The following CEP152 variants were observed in gnomAD, a reference collection of about 807,000 sequenced individuals.
CEP152 encodes centrosomal protein of 152 kDa.
A neutral mutation model predicts 188.9 loss-of-function variants in CEP152; 132 were observed. The observed-to-expected ratio is 0.70, with a 90% CI of 0.61 to 0.81. The LOEUF is 0.81. Ranked by LOEUF, CEP152 falls within the 30% of genes least tolerant of loss-of-function variation. The pLI is 0.00. For missense variants in CEP152, 1,914 were observed against 1,969.8 expected (o/e 0.97, Z 0.54); for synonymous variants, 649 against 666.6 (o/e 0.97, Z 0.41).
At chr15:48,805,455 T>C (rs924037193) in intron 2 of CEP152, 108 bp downstream of exon 2, 24 of 1,409,090 alleles carry the variant, frequency 1.7e-5, no homozygotes, top group African/African-American at 1.6e-4. Flanking sequence ...TTTTAAAAAA[T>C]CCAAATCCCT....
chr15:48,731,649 C>T (rs1239856114), intron 2 of CEP152, among the ~76,000 whole-genome samples: 1 of 152,090 alleles, frequency 6.6e-6, no homozygotes, highest in Non-Finnish European at 1.5e-5. Context: ...GACAAAAACG[C>T]CAAAAGCAAT....
intron 17 of CEP152, among the ~76,000 whole-genome samples, chr15:48,766,767 G>C: frequency 6.7e-6 from 1 of 149,016 alleles, no homozygotes; most frequent in Non-Finnish European, 1.5e-5. Context: ...GTGATTTTCA[G>C]ATTTAAAGTG....
intron 2 of CEP152, among the ~76,000 whole-genome samples, chr15:48,732,007 C>T (rs189032879): frequency 1.3e-4 from 20 of 152,162 alleles, no homozygotes; most frequent in African/African-American, 3.4e-4. Flanking sequence ...AATCATCTCA[C>T]GTGATTATTA....
chr15:48,800,492 G>A (rs1897604247), intron 2 of CEP152, among the ~76,000 whole-genome samples: 1 of 151,988 alleles, frequency 6.6e-6, no homozygotes, highest in South Asian at 2.1e-4. Flanking sequence ...CTAACCTTGT[G>A]CAATAAAACA....
intron 1 of CEP152, among the ~76,000 whole-genome samples, chr15:48,808,590 GA>G (rs1481526433): frequency 2.0e-5 from 3 of 151,808 alleles, no homozygotes; most frequent in Non-Finnish European, 4.4e-5. Flanking sequence ...ATGTTTCAAA[GA>G]AGTGTCATTT....
At chr15:48,770,222 T>C (rs1895430926) in intron 13 of CEP152, among the ~76,000 whole-genome samples, 1 of 152,212 alleles carries the variant, frequency 6.6e-6, no homozygotes, top group Non-Finnish European at 1.5e-5. Flanking sequence ...CTCATCCTTG[T>C]AATCCGAGCA....
At chr15:48,732,498 G>C (rs1039371950) in intron 2 of CEP152, among the ~76,000 whole-genome samples, 5 of 151,962 alleles carry the variant, frequency 3.3e-5, no homozygotes, top group African/African-American at 1.2e-4. Context: ...GCTGAACATT[G>C]GGAACACATG....
chr15:48,797,593 A>G lies in CEP152; in HGVS notation c.262-14T>C. 6.2e-7 allele frequency: 1 copy of G among 1,614,056 alleles called. No homozygotes were observed. The highest frequency in any genetic ancestry group is 8.5e-7 in the Non-Finnish European group (1 of 1,179,974). ...TTCATTATAGCCCTATTAGATAACAAGAGTAAAACAAAAGCACGAAGATCC... is the reference window on the plus strand; with the variant it reads ...TTCATTATAGCCCTATTAGATAACAGGAGTAAAACAAAAGCACGAAGATCC... On this transcript the variant is annotated splice_polypyrimidine_tract_variant and intron_variant, in intron 4 of 26. Coordinates refer to ENST00000380950, the MANE Select transcript of CEP152 (RefSeq NM_001194998.2).
rs1241492711 is a variant in CEP152, at chr15:48,770,728, G to A, written c.1783-1647C>T. On this transcript the variant is annotated intron_variant, in intron 13 of 26. Transcript: ENST00000380950. ...TGATTTAAAGATGTTAAATGTGCAGGGGGCAGGGCGGGGAGGAGTCTCTCT... is the reference window on the plus strand; with the variant it reads ...TGATTTAAAGATGTTAAATGTGCAGAGGGCAGGGCGGGGAGGAGTCTCTCT... Among the ~76,000 whole-genome samples, 4 of 152,142 alleles carry A rather than the reference G, an allele frequency of 2.6e-5. No homozygotes were observed. In the East Asian group the frequency reaches 7.7e-4, roughly 29 times the overall value.
At chr15:48,732,740 C>T (rs1479818759) in intron 2 of CEP152, among the ~76,000 whole-genome samples, 1 of 151,460 alleles carries the variant, frequency 6.6e-6, no homozygotes, top group Non-Finnish European at 1.5e-5. Flanking sequence ...GCTTTTAATT[C>T]TTTAAACATT....
rs1894272060 is a variant in CEP152 at position 48,756,385 on chromosome 15, T to G, written c.2863A>C (p.Lys955Gln). Residue 955 changes from lysine (K) to glutamine (Q), a missense_variant, in exon 20 of 27, where the codon AAG (lysine) becomes CAG (glutamine). Coordinates refer to ENST00000380950, the MANE Select transcript of CEP152 (RefSeq NM_001194998.2). ...VPVVIRAELAKARSEWNKEKQ... is the reference protein window; with the variant it reads ...VPVVIRAELAQARSEWNKEKQ... ...TCTTTGTTCCATTCACTCCGAGCCT[T>G]AGCTAACTCAGCCCTGATGACCACA... 6.2e-7 allele frequency: 1 copy of G among 1,604,914 alleles called. No homozygotes were observed. Among genetic ancestry groups the G allele is most frequent in the Non-Finnish European group, 8.5e-7 (1 of 1,175,422 alleles).
At chr15:48,735,906 A>G (rs1261663836), downstream of CEP152, among the ~76,000 whole-genome samples, 1 of 152,170 alleles carries the variant, frequency 6.6e-6, no homozygotes, top group Non-Finnish European at 1.5e-5. Context: ...ACCTTTAGAT[A>G]GACTAAGAAA....
chr15:48,796,278 G>A (rs1250088984), intron 5 of CEP152, 118 bp from the exon 6 acceptor site: 2 of 829,494 alleles, frequency 2.4e-6, no homozygotes, highest in East Asian at 2.9e-5. Flanking sequence ...GTTCAAAGTT[G>A]TTTATATATA....
chr15:48,778,678 G>A (rs549733000), intron 12 of CEP152, among the ~76,000 whole-genome samples: 26 of 152,200 alleles, frequency 1.7e-4, no homozygotes, highest in Middle Eastern at 3.4e-3. Context: ...GGCCGGGCGC[G>A]GTGGCTGAAG....
intron 21 of CEP152, 78 bp from the exon 22 acceptor site, chr15:48,748,688 G>T (rs1362246679): frequency 8.1e-7 from 1 of 1,236,798 alleles, no homozygotes; most frequent in Admixed American, 3.6e-5. Flanking sequence ...AAAAAAGACA[G>T]AAAGAAAAGC....
Position 48,738,927 on chromosome 15 carries a change from A to G in CEP152, c.4455T>C (p.Asn1485=), listed in dbSNP as rs755014174. ...LHKKKDLLSD[N]GSESLPHSAA... is the part of the protein sequence containing the mutation. ...CTGAATGCGGAAGTGATTCAGAACC[A>G]TTATCACTGAGTAGGTCTTTCTTCT... The change falls in exon 27 of 27, where the codon AAT becomes AAC. Residue 1485 remains asparagine, a synonymous_variant. Coordinates refer to ENST00000380950, the MANE Select transcript of CEP152 (RefSeq NM_001194998.2). 4 of 1,614,054 alleles carry G rather than the reference A, an allele frequency of 2.5e-6. No homozygotes were observed. In the Admixed American group the frequency reaches 5.0e-5, roughly 20 times the overall value.
chr15:48,785,204 C>G (rs1226689433), intron 9 of CEP152, among the ~76,000 whole-genome samples: 1 of 152,136 alleles, frequency 6.6e-6, no homozygotes, highest in Non-Finnish European at 1.5e-5. Flanking sequence ...ATAAGAGCAC[C>G]AATACATAAC....
rs1293821439 is a variant in CEP152, at chr15:48,756,276, T to A, written c.2972A>T (p.Asn991Ile). 2 of 1,582,732 alleles carry A rather than the reference T, an allele frequency of 1.3e-6. No homozygotes were observed. The highest frequency in any genetic ancestry group is 8.6e-7 in the Non-Finnish European group (1 of 1,166,630). Residue 991 changes from asparagine to isoleucine, a missense_variant, in exon 20 of 27, where the codon AAT becomes ATT. Transcript: ENST00000380950. ...QFLDDHRNKI[N>I]EVLAAAKEDF... is the part of the protein sequence containing the mutation. The stretch of plus-strand genomic sequence containing the variant: ...TTCTTTAGCTGCCGCAAGCACCTCA[T>A]TAATTTTATTTCGGTGATCATCTAA...
intron 19 of CEP152, among the ~76,000 whole-genome samples, chr15:48,757,240 G>C (rs1566988520): frequency 6.6e-6 from 1 of 152,104 alleles, no homozygotes; most frequent in East Asian, 1.9e-4. Context: ...GAGACAAACT[G>C]CTGGAATTAA....
Sources: allele counts gnomAD v4.1 joint callset (sites outside exome capture counted in the v4.1 genomes callset), GRCh38; gene constraint gnomAD v4.1.1; transcripts MANE v1.5; gene names NCBI Gene and HGNC (gene_info 2026-07-23, HGNC 2026-07-21).